The following FBXO15 variants were observed in gnomAD, a reference collection of about 807,000 sequenced individuals.
The protein encoded by FBXO15 is F-box only protein 15.
A neutral mutation model predicts 49.5 loss-of-function variants in FBXO15; 30 were observed. The ratio of observed to expected loss-of-function variants is 0.61; its 90% CI spans 0.45 to 0.82. The LOEUF (loss-of-function observed/expected upper bound fraction) is 0.82, where lower values mean the gene tolerates loss of function less well. Ranked by LOEUF, FBXO15 falls within the 40% of genes least tolerant of loss-of-function variation. The probability of loss-of-function intolerance (pLI) is 0.00; values close to 1 mark genes in which losing one functional copy is unlikely to be tolerated. For missense variants in FBXO15, 591 were observed against 631.5 expected, an observed-to-expected ratio of 0.94 and a Z score of 0.69; for synonymous variants, 250 against 232.7, an observed-to-expected ratio of 1.07 and a Z score of -0.68.
At chr18:74,134,733 T>G (rs1420209171) in intron 3 of FBXO15, among the ~76,000 whole-genome samples, 5 of 152,184 alleles carry the variant, frequency 3.3e-5, no homozygotes, top group Non-Finnish European at 7.4e-5. Flanking sequence ...AGACTAGGGA[T>G]GGAAATGTTT....
intron 2 of FBXO15, among the ~76,000 whole-genome samples, chr18:74,136,485 C>T (rs1978731245): frequency 6.6e-6 from 1 of 152,186 alleles, no homozygotes; most frequent in African/African-American, 2.4e-5. Context: ...GAATCTCTTT[C>T]CCCAAAAAAG....
At chr18:74,083,922 C>T (rs776458847) in intron 8 of FBXO15, among the ~76,000 whole-genome samples, 12 of 152,100 alleles carry the variant, frequency 7.9e-5, no homozygotes, top group Non-Finnish European at 1.5e-4. Flanking sequence ...TACTTTAACA[C>T]CTTAATAATA....
At chr18:74,103,882 A>G (rs999509816) in intron 8 of FBXO15, among the ~76,000 whole-genome samples, 3 of 152,200 alleles carry the variant, frequency 2.0e-5, no homozygotes, top group African/African-American at 7.2e-5. Context: ...AAAAGGAGTT[A>G]TTCAGTCTGG....
intron 1 of FBXO15, among the ~76,000 whole-genome samples, chr18:74,141,470 T>A (rs1979073380): frequency 6.6e-6 from 1 of 152,190 alleles, no homozygotes; most frequent in Admixed American, 6.5e-5. Context: ...TTCACCAACA[T>A]CATTGCTTTG....
At chr18:74,078,337 C>CCT (rs1568153965) in intron 9 of FBXO15, among the ~76,000 whole-genome samples, 2 of 148,822 alleles carry the variant, frequency 1.3e-5, no homozygotes, top group East Asian at 4.1e-4. Flanking sequence ...AGGCCCCCCC[C>CCT]CGACCTGCCC....
chr18:74,078,338 C>CT (rs74319983), intron 9 of FBXO15, among the ~76,000 whole-genome samples: 6,707 of 147,968 alleles, frequency 0.045, 225 homozygotes, highest in Middle Eastern at 0.11. Context: ...GGCCCCCCCC[C>CT]GACCTGCCCC....
chr18:74,118,643 T>A (rs1173399668), intron 8 of FBXO15, among the ~76,000 whole-genome samples: 2 of 152,148 alleles, frequency 1.3e-5, no homozygotes, highest in African/African-American at 2.4e-5. Context: ...ATATAATTAG[T>A]GTCTTGGAAG....
At chr18:74,089,277 T>C (rs2145121797) in intron 8 of FBXO15, among the ~76,000 whole-genome samples, 1 of 152,342 alleles carries the variant, frequency 6.6e-6, no homozygotes. Flanking sequence ...CTAATTTTTG[T>C]ACATTAATTT....
chr18:74,145,453 A>G (rs1979344085), intron 1 of FBXO15, among the ~76,000 whole-genome samples: 1 of 152,236 alleles, frequency 6.6e-6, no homozygotes, highest in South Asian at 2.1e-4. Context: ...AAGCAAAGAC[A>G]GTCTCTGAGA....
chr18:74,129,451 TG>T lies in FBXO15; in HGVS notation c.738del (p.Met247Ter). On this transcript the variant is annotated frameshift_variant, in exon 5 of 10. Transcript: ENST00000419743. LOFTEE classifies it high-confidence loss of function. ...TACCAGTCGGTAAAAACTGGTGTCA[TG>T]CCACATAAATCTAAGGTTGACAATG... Reference protein sequence around the residue: ...LASLSTLDLCGMTPVFTDWYK... With the variant: ...LASLSTLDLCXMTPVFTDWYK... 1 of 1,614,032 alleles carries T rather than the reference TG, an allele frequency of 6.2e-7. No individual in the cohort carries two copies. The highest frequency in any genetic ancestry group is 8.5e-7 in the Non-Finnish European group (1 of 1,179,970).
At chr18:74,117,489 C>T (rs1914281133) in intron 8 of FBXO15, among the ~76,000 whole-genome samples, 1 of 152,106 alleles carries the variant, frequency 6.6e-6, no homozygotes, top group South Asian at 2.1e-4. Context: ...CAAGAAGATA[C>T]ACTCTAAAAG....
At chr18:74,121,361 G>A (rs1350332183) in intron 8 of FBXO15, among the ~76,000 whole-genome samples, 1 of 152,122 alleles carries the variant, frequency 6.6e-6, no homozygotes, top group Non-Finnish European at 1.5e-5. Context: ...CGAAAGAGAA[G>A]TAACAAGAAT....
At chr18:74,079,583 AT>A (rs1209493563) in intron 9 of FBXO15, among the ~76,000 whole-genome samples, 9 of 150,244 alleles carry the variant, frequency 6.0e-5, no homozygotes, top group African/African-American at 2.0e-4. Context: ...TATTGTAATA[AT>A]TATCAGTATC....
intron 8 of FBXO15, among the ~76,000 whole-genome samples, chr18:74,104,026 C>A (rs1599153504): frequency 6.6e-6 from 1 of 152,166 alleles, no homozygotes; most frequent in East Asian, 1.9e-4. Flanking sequence ...TACTATGAAG[C>A]CCAAAAGACA....
At chr18:74,085,803 T>A (rs1469783066) in intron 8 of FBXO15, among the ~76,000 whole-genome samples, 2 of 151,968 alleles carry the variant, frequency 1.3e-5, no homozygotes, top group African/African-American at 4.8e-5. Flanking sequence ...AAAACACAGA[T>A]AACAAACCGA....
intron 8 of FBXO15, among the ~76,000 whole-genome samples, chr18:74,089,974 T>C (rs193135487): frequency 6.6e-6 from 1 of 152,172 alleles, no homozygotes; most frequent in Non-Finnish European, 1.5e-5. Flanking sequence ...TTTTTTGGAA[T>C]AGTTTCCCTA....
rs182820492 is a variant in FBXO15, at chr18:74,084,266, G to A, written c.1139-2215C>T. Among the ~76,000 whole-genome samples the A allele has an allele frequency of 8.5e-5, 13 of 152,322 alleles. No individual in the cohort carries two copies. In the East Asian group the frequency reaches 2.5e-3, roughly 29 times the overall value. On this transcript the variant is annotated intron_variant, in intron 8 of 9. Coordinates refer to ENST00000419743, the MANE Select transcript of FBXO15 (RefSeq NM_001142958.2). ...TACTTGAAGTAATGGCTCAGCCTATGAGTCCCACAGCCTCTGCTCCCAGCC... is the reference window on the plus strand; with the variant it reads ...TACTTGAAGTAATGGCTCAGCCTATAAGTCCCACAGCCTCTGCTCCCAGCC...
intron 5 of FBXO15, among the ~76,000 whole-genome samples, chr18:74,128,555 G>C (rs1978300843): frequency 6.6e-6 from 1 of 152,218 alleles, no homozygotes; most frequent in African/African-American, 2.4e-5. Flanking sequence ...AAGGAGATGG[G>C]AGGGCAGGAA....
At chr18:74,076,540 G>GT (rs1384512345) in intron 9 of FBXO15, 1 of 152,196 alleles carries the variant, frequency 6.6e-6, no homozygotes, top group Non-Finnish European at 1.5e-5. Flanking sequence ...ACTGTAAGAA[G>GT]TAAGTTTCTA....
Sources: allele counts gnomAD v4.1 joint callset (sites outside exome capture counted in the v4.1 genomes callset), GRCh38; gene constraint gnomAD v4.1.1; transcripts MANE v1.5; gene names NCBI Gene and HGNC (gene_info 2026-07-23, HGNC 2026-07-21).